The following SLC5A5 variants were observed in gnomAD, a reference collection of about 807,000 sequenced individuals.
SLC5A5 encodes sodium/iodide cotransporter.
Under a neutral mutation model 68.6 loss-of-function variants are expected in SLC5A5, and 56 were observed. The observed-to-expected ratio is 0.82, with a 90% CI of 0.66 to 1.02. SLC5A5 has a LOEUF of 1.02. Ranked by LOEUF, SLC5A5 falls within the 50% of genes least tolerant of loss-of-function variation. The pLI, the probability that SLC5A5 is intolerant of heterozygous loss-of-function variation, is 0.00. For synonymous variants in SLC5A5, 398 were observed against 373.0 expected, an observed-to-expected ratio of 1.07 and a Z score of -0.77; for missense variants, 807 against 859.8, an observed-to-expected ratio of 0.94 and a Z score of 0.77.
chr19:17,872,351 C>T lies in SLC5A5; in HGVS notation c.32C>T (p.Thr11Ile), dbSNP rs911039055. The T allele has an allele frequency of 1.9e-6, 3 of 1,586,606 alleles. No homozygotes were observed. The highest frequency in any genetic ancestry group is 2.3e-5 in the East Asian group (1 of 43,966). MEAVETGERP[T>I]FGAWDYGVFA... is the part of the protein sequence containing the mutation. Reference sequence around the variant, plus strand: ...GCCGTGGAGACCGGGGAACGGCCCACCTTCGGAGCCTGGGACTACGGGGTC... The same window carrying T: ...GCCGTGGAGACCGGGGAACGGCCCATCTTCGGAGCCTGGGACTACGGGGTC... The change falls in exon 1 of 15, where the codon ACC becomes ATC. Residue 11 changes from threonine (T) to isoleucine (I), a missense_variant. Physicochemically the swap from Thr to Ile is moderately conservative, Grantham distance 89 (BLOSUM62 -1). Transcript: ENST00000222248.
At chr19:17,876,150 A>C (rs777782647) in intron 5 of SLC5A5, 44 bp downstream of exon 5, 2 of 1,603,420 alleles carry the variant, frequency 1.2e-6, no homozygotes, top group African/African-American at 2.7e-5. Context: ...TGGGGCTGGG[A>C]CCAGTGCGGT....
At chr19:17,883,187 T>G (rs181658588) in intron 10 of SLC5A5, among the ~76,000 whole-genome samples, 128 of 152,046 alleles carry the variant, frequency 8.4e-4, no homozygotes, top group African/African-American at 3.0e-3. Context: ...CTTGAACTCC[T>G]GGCCTCAAGC....
chr19:17,874,299 C>T (rs971287202), intron 2 of SLC5A5, 96 bp downstream of exon 2: 5 of 821,436 alleles, frequency 6.1e-6, no homozygotes, highest in South Asian at 4.3e-5. Context: ...CCAGACCCCG[C>T]CCCCCATGCT....
At chr19:17,875,827 A>C in intron 4 of SLC5A5, 125 bp from the exon 5 acceptor site, 1 of 794,286 alleles carries the variant, frequency 1.3e-6, no homozygotes, top group Non-Finnish European at 2.2e-6. Context: ...GTAAGAAGGT[A>C]TTATTATTAA....
chr19:17,872,355 C>T lies in SLC5A5; in HGVS notation c.36C>T (p.Phe12=), dbSNP rs758284310. The change falls in exon 1 of 15, where the codon TTC becomes TTT. Residue 12 remains phenylalanine, a synonymous_variant. Coordinates refer to ENST00000222248, the MANE Select transcript of SLC5A5 (RefSeq NM_000453.3). Reference sequence around the variant, plus strand: ...TGGAGACCGGGGAACGGCCCACCTTCGGAGCCTGGGACTACGGGGTCTTTG... The same window carrying T: ...TGGAGACCGGGGAACGGCCCACCTTTGGAGCCTGGGACTACGGGGTCTTTG... ...EAVETGERPT[F]GAWDYGVFAL... 5 of 1,588,198 alleles carry T rather than the reference C, an allele frequency of 3.1e-6. No individual in the cohort carries two copies. Among genetic ancestry groups the T allele is most frequent in the African/African-American group, 1.3e-5 (1 of 74,550 alleles).
chr19:17,875,594 C>A (rs1212934328), intron 4 of SLC5A5, among the ~76,000 whole-genome samples: 1 of 148,216 alleles, frequency 6.7e-6, no homozygotes, highest in Non-Finnish European at 1.5e-5. Context: ...GAGACCCCCC[C>A]CCGCCCCCAT....
chr19:17,876,852 C>A (rs1283159956), intron 5 of SLC5A5, among the ~76,000 whole-genome samples: 4 of 149,710 alleles, frequency 2.7e-5, no homozygotes, highest in African/African-American at 9.9e-5. Context: ...CAGAGAGAGA[C>A]TCCGTCCCCC....
At chr19:17,874,065 G>A (rs1805849260) in intron 1 of SLC5A5, 73 bp from the exon 2 acceptor site, 1 of 1,085,092 alleles carries the variant, frequency 9.2e-7, no homozygotes, top group Admixed American at 1.7e-5. Context: ...CACCTAGAGA[G>A]CAGACCAGGG....
chr19:17,872,335 A>G lies in SLC5A5; in HGVS notation c.16A>G (p.Thr6Ala). ...ACCCGCCCTCATGGAGGCCGTGGAG[A>G]CCGGGGAACGGCCCACCTTCGGAGC... is the stretch of plus-strand genomic sequence containing the variant. MEAVE[T>A]GERPTFGAWD... The change falls in exon 1 of 15, where the codon ACC becomes GCC. Residue 6 changes from threonine to alanine, a missense_variant. Physicochemically the swap from Thr to Ala is moderately conservative, Grantham distance 58. Coordinates refer to ENST00000222248, the MANE Select transcript of SLC5A5 (RefSeq NM_000453.3). 1.9e-6 allele frequency: 3 copies of G among 1,580,852 alleles called. No homozygotes were observed. Among genetic ancestry groups the G allele is most frequent in the Non-Finnish European group, 2.6e-6 (3 of 1,164,626 alleles).
In SLC5A5 at chr19:17,874,482, C is replaced by A. The variant is rs142231563; in HGVS notation, c.424-12C>A. 1,851 of 1,613,980 alleles carry A rather than the reference C, an allele frequency of 1.1e-3. 18 individuals are homozygous for A. In the African/African-American group the frequency reaches 0.021, roughly 18 times the overall value. ...GCCCTCCCTGCTCACCCGCCCCACACTCTGTCTACAGATGCTGTACACCGG... is the reference window on the plus strand; with the variant it reads ...GCCCTCCCTGCTCACCCGCCCCACAATCTGTCTACAGATGCTGTACACCGG... On this transcript the variant is annotated splice_polypyrimidine_tract_variant and intron_variant, in intron 2 of 14. Coordinates refer to ENST00000222248, the MANE Select transcript of SLC5A5 (RefSeq NM_000453.3).
intron 10 of SLC5A5, 100 bp from the exon 11 acceptor site, chr19:17,883,581 A>T: frequency 1.1e-6 from 1 of 942,558 alleles, no homozygotes; most frequent in South Asian, 1.3e-5. Context: ...CTTGAGACCC[A>T]CATTGGAGTT....
intron 12 of SLC5A5, among the ~76,000 whole-genome samples, chr19:17,888,013 T>C (rs2147750442): frequency 6.6e-6 from 1 of 152,254 alleles, no homozygotes; most frequent in East Asian, 1.9e-4. Flanking sequence ...TTCCCACCTA[T>C]GTTTTCTTCT....
intron 10 of SLC5A5, 65 bp from the exon 11 acceptor site, chr19:17,883,616 G>A: frequency 7.5e-7 from 1 of 1,339,124 alleles, no homozygotes; most frequent in Non-Finnish European, 1.1e-6. Flanking sequence ...TTCCCAGCGG[G>A]TAAACTGAGG....
chr19:17,872,223 C>T lies in SLC5A5; in HGVS notation c.-97C>T. On this transcript the variant is annotated 5_prime_UTR_variant, in exon 1 of 15. Coordinates refer to ENST00000222248, the MANE Select transcript of SLC5A5 (RefSeq NM_000453.3). The stretch of plus-strand genomic sequence containing the variant: ...GGACAGGCTGCCGAGCATCCTCCCA[C>T]CCGCCCTCCCCGTCCTGCCTCCTCG... 9.3e-6 allele frequency: 4 copies of T among 430,724 alleles called. 1 individual carries two copies. Among genetic ancestry groups the T allele is most frequent in the Non-Finnish European group, 1.8e-5 (4 of 222,758 alleles). 26.7% of individuals were successfully genotyped at this position (430,724 alleles called of 1,614,324 possible). A position where few individuals can be genotyped will look rare whatever the true frequency, so the allele number is the denominator to read the frequency against.
At position 17,884,069 on chromosome 19, in the gene SLC5A5, G is replaced by T. The variant is rs746347106; in HGVS notation, c.1526+23G>T. ...CAGGTGAGCAGACTTGAGGGTAGGGGGGTACCCGAGCCCTGGATGGTGTGA... is the reference window on the plus strand; with the variant it reads ...CAGGTGAGCAGACTTGAGGGTAGGGTGGTACCCGAGCCCTGGATGGTGTGA... On this transcript the variant is annotated intron_variant, in intron 12 of 14. Transcript: ENST00000222248. 85 of 1,533,178 alleles carry T rather than the reference G, an allele frequency of 5.5e-5. No individual in the cohort carries two copies. In the Middle Eastern group the frequency reaches 6.9e-4, roughly 12 times the overall value. 95.0% of individuals were successfully genotyped at this position (1,533,178 alleles called of 1,614,324 possible). A position where few individuals can be genotyped will look rare whatever the true frequency, so the allele number is the denominator to read the frequency against.
intron 4 of SLC5A5, among the ~76,000 whole-genome samples, chr19:17,875,167 CGA>C (rs1210756835): frequency 6.6e-6 from 1 of 151,958 alleles, no homozygotes; most frequent in Non-Finnish European, 1.5e-5. Flanking sequence ...GTCAGGAGTT[CGA>C]GACCAGCCTG....
At position 17,876,008 on chromosome 19, in the gene SLC5A5, T is replaced by A; in HGVS notation, c.600T>A (p.Ser200Arg). 6.2e-7 allele frequency: 1 copy of A among 1,614,180 alleles called. No individual in the cohort carries two copies. The highest frequency in any genetic ancestry group is 8.5e-7 in the Non-Finnish European group (1 of 1,180,026). ...TGTTCCAGGTCGTGGTGATGCTAAG[T>A]GGCTTCTGGGTTGTCCTGGCACGCG... ...TDVFQVVVMLSGFWVVLARGV... is the reference protein window; with the variant it reads ...TDVFQVVVMLRGFWVVLARGV... Residue 200 changes from serine (S) to arginine (R), a missense_variant, in exon 5 of 15, where the codon AGT becomes AGA. Transcript: ENST00000222248.
At chr19:17,887,005 G>A (rs1432017439) in intron 12 of SLC5A5, among the ~76,000 whole-genome samples, 1 of 151,946 alleles carries the variant, frequency 6.6e-6, no homozygotes, top group Non-Finnish European at 1.5e-5. Flanking sequence ...GAGCCTGGGG[G>A]GCCAAGGCTG....
intron 14 of SLC5A5, among the ~76,000 whole-genome samples, chr19:17,891,859 G>A (rs2147756032): frequency 6.6e-6 from 1 of 152,256 alleles, no homozygotes; most frequent in Admixed American, 6.5e-5. Flanking sequence ...CATTTATTGA[G>A]CACCTGCTGT....
Sources: allele counts gnomAD v4.1 joint callset (sites outside exome capture counted in the v4.1 genomes callset), GRCh38; gene constraint gnomAD v4.1.1; transcripts MANE v1.5; gene names NCBI Gene and HGNC (gene_info 2026-07-23, HGNC 2026-07-21).